The following TENM4 variants were observed in gnomAD, a reference collection of about 807,000 sequenced individuals.
TENM4 encodes teneurin-4.
Under a neutral mutation model 243.3 loss-of-function variants are expected in TENM4, and 82 were observed. The observed-to-expected ratio is 0.34, with a 90% CI of 0.28 to 0.40. TENM4 has a LOEUF of 0.40. Among genes scored for constraint, TENM4 ranks in the 10% least tolerant of loss-of-function variants. The pLI is 1.00. For missense variants in TENM4, 3,138 were observed against 3,673.3 expected, an observed-to-expected ratio of 0.85 and a Z score of 3.77; for synonymous variants, 1,412 against 1,456.3, an observed-to-expected ratio of 0.97 and a Z score of 0.69.
intron 6 of TENM4, among the ~76,000 whole-genome samples, chr11:78,989,078 A>G (rs1378087630): frequency 6.6e-6 from 1 of 152,252 alleles, no homozygotes; most frequent in Non-Finnish European, 1.5e-5. Flanking sequence ...CTCTAATCCT[A>G]TAGGCCTGAA....
chr11:79,271,370 T>C (rs1480598751), intron 2 of TENM4, among the ~76,000 whole-genome samples: 2 of 152,232 alleles, frequency 1.3e-5, no homozygotes, highest in Non-Finnish European at 2.9e-5. Flanking sequence ...CAAAGCCACT[T>C]GCTCCTCTAG....
intron 1 of TENM4, among the ~76,000 whole-genome samples, chr11:79,409,097 T>C (rs1419790551): frequency 8.6e-5 from 9 of 104,784 alleles, no homozygotes; most frequent in African/African-American, 1.3e-4. Context: ...TGTGTGTGTG[T>C]GTGTGCGCGC....
chr11:78,876,616 G>A (rs1859273982), intron 9 of TENM4, among the ~76,000 whole-genome samples: 1 of 152,208 alleles, frequency 6.6e-6, no homozygotes, highest in African/African-American at 2.4e-5. Flanking sequence ...ACAGGGATAG[G>A]TTCAAACTCC....
chr11:78,950,171 G>A (rs996357682), intron 6 of TENM4, among the ~76,000 whole-genome samples: 5 of 152,142 alleles, frequency 3.3e-5, no homozygotes, highest in African/African-American at 1.2e-4. Context: ...CAGGACAAAG[G>A]CCATCACCAG....
intron 9 of TENM4, among the ~76,000 whole-genome samples, chr11:78,882,647 C>A (rs143053155): frequency 6.6e-6 from 1 of 152,352 alleles, no homozygotes; most frequent in African/African-American, 2.4e-5. Context: ...CTATACCACT[C>A]TACGCAACTT....
intron 17 of TENM4, among the ~76,000 whole-genome samples, chr11:78,773,224 G>A (rs561378342): frequency 6.6e-6 from 1 of 152,314 alleles, no homozygotes; most frequent in Non-Finnish European, 1.5e-5. Flanking sequence ...AAAGCCTCTT[G>A]TAAGATGCAA....
At chr11:79,367,878 G>A (rs1411997908) in intron 1 of TENM4, among the ~76,000 whole-genome samples, 1 of 152,172 alleles carries the variant, frequency 6.6e-6, no homozygotes, top group Non-Finnish European at 1.5e-5. Flanking sequence ...GGGTGGTGGG[G>A]TCTTTTATTT....
At chr11:78,968,906 G>T (rs1000049897) in intron 6 of TENM4, among the ~76,000 whole-genome samples, 1 of 152,222 alleles carries the variant, frequency 6.6e-6, no homozygotes, top group African/African-American at 2.4e-5. Context: ...AGCTAAAGCA[G>T]AAAGACCATG....
At chr11:79,404,624 CT>C (rs1189681063) in intron 1 of TENM4, among the ~76,000 whole-genome samples, 1 of 152,100 alleles carries the variant, frequency 6.6e-6, no homozygotes, top group Admixed American at 6.6e-5. Flanking sequence ...TGAATTTTAC[CT>C]CATTTTTTTT....
At chr11:78,881,785 C>T (rs952758382) in intron 9 of TENM4, among the ~76,000 whole-genome samples, 2 of 152,190 alleles carry the variant, frequency 1.3e-5, no homozygotes, top group Non-Finnish European at 2.9e-5. Flanking sequence ...CCCTGCAGAG[C>T]GAGTTGGTCC....
intron 27 of TENM4, among the ~76,000 whole-genome samples, chr11:78,703,602 G>C (rs1029464491): frequency 1.3e-5 from 2 of 152,104 alleles, no homozygotes; most frequent in African/African-American, 4.8e-5. Flanking sequence ...GGACTTGAAG[G>C]CTGGATTGTT....
chr11:79,118,115 A>C (rs1861658669), intron 4 of TENM4, among the ~76,000 whole-genome samples: 1 of 152,164 alleles, frequency 6.6e-6, no homozygotes, highest in African/African-American at 2.4e-5. Flanking sequence ...CATTTTTAAA[A>C]ATGATAAAAT....
At chr11:79,166,815 A>G (rs543002589) in intron 3 of TENM4, among the ~76,000 whole-genome samples, 99 of 152,324 alleles carry the variant, frequency 6.5e-4, no homozygotes, top group African/African-American at 2.4e-3. Context: ...TGCCAGGCAG[A>G]AAACAGCTGA....
intron 12 of TENM4, among the ~76,000 whole-genome samples, chr11:78,823,022 G>C (rs1449093344): frequency 6.6e-6 from 1 of 152,156 alleles, no homozygotes; most frequent in Non-Finnish European, 1.5e-5. Flanking sequence ...TGGCAGCAGC[G>C]CTCTCGGATG....
intron 2 of TENM4, among the ~76,000 whole-genome samples, chr11:79,241,600 A>C (rs1274069511): frequency 6.6e-6 from 1 of 152,200 alleles, no homozygotes; most frequent in African/African-American, 2.4e-5. Context: ...ATGGGAATTA[A>C]ACAAGGTAAA....
At chr11:78,731,857 G>A (rs1855674369) in intron 21 of TENM4, among the ~76,000 whole-genome samples, 1 of 152,210 alleles carries the variant, frequency 6.6e-6, no homozygotes. Flanking sequence ...TTAGGTGACA[G>A]ACATTGTGCT....
At position 78,805,282 on chromosome 11, in the gene TENM4, C is replaced by CCCCTCCCCACCCCCCCCCCCCT; in HGVS notation, c.2179+9_2179+10insAGGGGGGGGGGGGTGGGGAGGG. The CCCCTCCCCACCCCCCCCCCCCT allele has an allele frequency of 1.0e-6, 1 of 995,568 alleles. No individual in the cohort carries two copies. The highest frequency in any genetic ancestry group is 3.2e-5 in the South Asian group (1 of 30,968). The allele number at this position is 995,568 out of a possible 1,614,324, so 61.7% of individuals were successfully genotyped here. A position where few individuals can be genotyped will look rare whatever the true frequency, so the allele number is the denominator to read the frequency against. ...CCCTCTACCCATGCTTCTTCTCCCC[C>CCCCTCCCCACCCCCCCCCCCCT]TGCATTTACCGATAGAACAGTCGTG... On this transcript the variant is annotated intron_variant, in intron 15 of 33. Coordinates refer to ENST00000278550, the MANE Select transcript of TENM4 (RefSeq NM_001098816.3).
At chr11:79,031,211 T>G (rs985252449) in intron 6 of TENM4, among the ~76,000 whole-genome samples, 5 of 152,166 alleles carry the variant, frequency 3.3e-5, no homozygotes, top group Non-Finnish European at 7.4e-5. Flanking sequence ...CCTGGCACAT[T>G]AGAGGAGCTC....
At chr11:79,266,054 C>G (rs1475406461) in intron 2 of TENM4, among the ~76,000 whole-genome samples, 21 of 152,206 alleles carry the variant, frequency 1.4e-4, no homozygotes, top group Non-Finnish European at 2.9e-5. Flanking sequence ...ACTTGCCTCT[C>G]CGGCACTCAG....
Sources: gnomAD v4.1 joint callset for allele counts (sites outside exome capture counted in the v4.1 genomes callset) on GRCh38, gnomAD v4.1.1 for gene constraint, MANE v1.5 for transcripts, NCBI Gene and HGNC (gene_info 2026-07-23, HGNC 2026-07-21) for gene names.